Variants in BICC1 observed in about 807,000 individuals in gnomAD.
The protein encoded by BICC1 is protein bicaudal C homolog 1.
BICC1 carries 43 observed loss-of-function variants against 111.0 expected under a neutral mutation model. The observed-to-expected ratio is 0.39, with a 90% confidence interval of 0.30 to 0.50. The LOEUF is 0.50. Ranked by LOEUF, BICC1 falls within the 20% of genes least tolerant of loss-of-function variation. The pLI is 0.88. For synonymous variants in BICC1, 467 were observed against 434.4 expected, an observed-to-expected ratio of 1.07 and a Z score of -0.93; for missense variants, 1,091 against 1,203.2, an observed-to-expected ratio of 0.91 and a Z score of 1.38.
intron 2 of BICC1, among the ~76,000 whole-genome samples, chr10:58,677,844 ATC>A (rs1457628400): frequency 6.6e-6 from 1 of 152,208 alleles, no homozygotes; most frequent in Non-Finnish European, 1.5e-5. Context: ...CTAACAGCAA[ATC>A]TCTCTGCTGA....
intron 3 of BICC1, among the ~76,000 whole-genome samples, chr10:58,717,119 G>C (rs1280164412): frequency 6.6e-6 from 1 of 152,182 alleles, no homozygotes; most frequent in Non-Finnish European, 1.5e-5. Context: ...ATTTTAAATA[G>C]ACACTGGTAC....
chr10:58,791,503 C>T (rs1401409826), intron 8 of BICC1, among the ~76,000 whole-genome samples: 3 of 152,032 alleles, frequency 2.0e-5, no homozygotes, highest in Admixed American at 6.6e-5. Context: ...TTTGGGAGGC[C>T]GAGGCAGGCG....
At chr10:58,564,575 A>G (rs1843700236) in intron 1 of BICC1, among the ~76,000 whole-genome samples, 2 of 152,178 alleles carry the variant, frequency 1.3e-5, no homozygotes, top group Admixed American at 1.3e-4. Context: ...CCCCTTGGAC[A>G]TGGGTAGAGA....
chr10:58,769,681 G>A (rs1192709631), intron 3 of BICC1, among the ~76,000 whole-genome samples: 1 of 151,478 alleles, frequency 6.6e-6, no homozygotes, highest in African/African-American at 2.4e-5. Flanking sequence ...CTAAACCTAG[G>A]GATCAATTAT....
At chr10:58,707,765 T>C (rs1840433088) in intron 3 of BICC1, among the ~76,000 whole-genome samples, 1 of 151,946 alleles carries the variant, frequency 6.6e-6, no homozygotes, top group Admixed American at 6.6e-5. Flanking sequence ...TGGCGCAATC[T>C]CGGCTCACCG....
intron 3 of BICC1, among the ~76,000 whole-genome samples, chr10:58,753,950 G>A (rs540587663): frequency 1.3e-5 from 2 of 151,732 alleles, no homozygotes; most frequent in African/African-American, 4.8e-5. Context: ...TGATATCTCT[G>A]CATACTCACC....
Position 58,789,298 on chromosome 10 carries a change from A to G in BICC1, c.637A>G (p.Ile213Val), listed in dbSNP as rs550455235. ...TTTGGTGCTGATGTTTGAGCTACCA[A>G]TTGCTGGAATTCTTCAACCGGTTCC... Reference protein sequence around the residue: ...LPLVLMFELPIAGILQPVPDP... With the variant: ...LPLVLMFELPVAGILQPVPDP... The change falls in exon 7 of 21, where the codon ATT becomes GTT. Residue 213 changes from isoleucine to valine, a missense_variant. Physicochemically the swap from Ile to Val is conservative, Grantham distance 29 (BLOSUM62 3). Around this residue, in one of 3 missense-constraint regions of BICC1, gnomAD observed 843 missense variants for 900.8 expected, o/e 0.94. Transcript: ENST00000373886. 1,885 of 1,613,908 alleles carry G rather than the reference A, an allele frequency of 1.2e-3. 42 individuals are homozygous for G. In the South Asian group the frequency reaches 0.019, roughly 16 times the overall value.
intron 19 of BICC1, among the ~76,000 whole-genome samples, chr10:58,818,455 C>T (rs1844163341): frequency 6.6e-6 from 1 of 152,074 alleles, no homozygotes; most frequent in East Asian, 1.9e-4. Flanking sequence ...AAGACATGGT[C>T]CATGTTTGAT....
At chr10:58,632,861 GGATAGATA>G (rs80252372) in intron 2 of BICC1, among the ~76,000 whole-genome samples, 27 of 150,820 alleles carry the variant, frequency 1.8e-4, no homozygotes, top group African/African-American at 5.8e-4. Context: ...ATAGATAGAT[GGATAGATA>G]GATAGATAGA....
chr10:58,526,463 A>G (rs1032992766), intron 1 of BICC1, among the ~76,000 whole-genome samples: 2 of 151,996 alleles, frequency 1.3e-5, no homozygotes, highest in African/African-American at 4.8e-5. Flanking sequence ...ATATGTATAC[A>G]TGTGTCATGT....
intron 12 of BICC1, among the ~76,000 whole-genome samples, chr10:58,799,855 G>A (rs7099432): frequency 0.66 from 99,495 of 151,874 alleles, 33,843 homozygotes; most frequent in Non-Finnish European, 0.74. Flanking sequence ...TTCCATATGA[G>A]TTTTAGAATA....
At chr10:58,525,003 C>A (rs150505258) in intron 1 of BICC1, among the ~76,000 whole-genome samples, 55,356 of 149,410 alleles carry the variant, frequency 0.37, 10,467 homozygotes, top group South Asian at 0.47. Flanking sequence ...AAATCAAAAC[C>A]ACAATGAGAT....
At chr10:58,684,138 G>C (rs1018974892) in intron 2 of BICC1, among the ~76,000 whole-genome samples, 1 of 151,520 alleles carries the variant, frequency 6.6e-6, no homozygotes, top group South Asian at 2.1e-4. Context: ...ATAATCGTAT[G>C]GTTTTTCTCT....
chr10:58,614,967 A>C (rs754444262), intron 1 of BICC1, among the ~76,000 whole-genome samples: 7 of 151,884 alleles, frequency 4.6e-5, no homozygotes, highest in Non-Finnish European at 7.4e-5. Flanking sequence ...TTGAATCTCC[A>C]TGTCCTTATC....
chr10:58,642,163 T>A (rs1838142940), intron 2 of BICC1, among the ~76,000 whole-genome samples: 1 of 152,204 alleles, frequency 6.6e-6, no homozygotes, highest in African/African-American at 2.4e-5. Flanking sequence ...TGGTAAGTGC[T>A]GAATACCTGG....
Position 58,787,201 on chromosome 10 carries a change from C to T in BICC1, c.546+120C>T. 4.6e-6 allele frequency: 4 copies of T among 877,486 alleles called. No homozygotes were observed. The South Asian group carries it at 9.1e-5, about 20-fold the overall frequency. 54.4% of individuals were successfully genotyped at this position (877,486 alleles called of 1,614,324 possible). A position where few individuals can be genotyped will look rare whatever the true frequency, so the allele number is the denominator to read the frequency against. On this transcript the variant is annotated intron_variant, in intron 5 of 20. Transcript: ENST00000373886. ...AAAAAAAAATCACATAGATGACATA[C>T]AGTGTAGATTGTACAACTTTCTGCA...
At chr10:58,613,091 TAAA>T (rs1423705923) in intron 1 of BICC1, among the ~76,000 whole-genome samples, 2 of 152,180 alleles carry the variant, frequency 1.3e-5, no homozygotes, top group Non-Finnish European at 2.9e-5. Flanking sequence ...GAAATTATAA[TAAA>T]CATAAAAAAT....
intron 3 of BICC1, among the ~76,000 whole-genome samples, chr10:58,715,051 G>C (rs1339122378): frequency 6.7e-6 from 1 of 149,740 alleles, no homozygotes; most frequent in African/African-American, 2.5e-5. Flanking sequence ...CTGGGCAACA[G>C]AGCAAGACTC....
intron 1 of BICC1, among the ~76,000 whole-genome samples, chr10:58,536,827 G>GA (rs1352928317): frequency 2.0e-5 from 3 of 151,608 alleles, no homozygotes; most frequent in Admixed American, 1.3e-4. Context: ...GAAAAGAAGA[G>GA]AAAAGATTCA....
Sources: gnomAD v4.1 joint callset for allele counts (sites outside exome capture counted in the v4.1 genomes callset) on GRCh38, gnomAD v4.1.1 for gene constraint, gnomAD v4.1.1 regional missense constraint, MANE v1.5 for transcripts, NCBI Gene and HGNC (gene_info 2026-07-23, HGNC 2026-07-21) for gene names.